The following DCAF8L2 variants were observed in gnomAD, a reference collection of about 807,000 sequenced individuals.
The protein encoded by DCAF8L2 is DDB1 and CUL4 associated factor 8 like 2, also known as DDB1- and CUL4-associated factor 8-like protein 2.
For synonymous variants in DCAF8L2, 200 were observed against 190.9 expected (o/e 1.05, Z -0.39); for missense variants, 430 against 490.7 (o/e 0.88, Z 1.17).
the DCAF8L2 span, among the ~76,000 whole-genome samples, chrX:27,567,183 GA>G: frequency 1.8e-5 from 2 of 110,651 alleles, no homozygotes; most frequent in African/African-American, 3.3e-5. Flanking sequence ...GTGCACTTGA[GA>G]AAAATGTGTA....
rs1224343684 is a variant in DCAF8L2 at position 27,657,926 on chromosome X, C to T, written c.-219-19910C>T. ...ACCATTAATCAAAAGCCACAAATAG[C>T]TGTAATAATGACAGAGAACTTTAAT... On this transcript the variant is annotated intron_variant, in intron 2 of 4. Coordinates refer to ENST00000451261, the MANE Select transcript of DCAF8L2 (RefSeq NM_001353450.2). 2.7e-5 allele frequency among the ~76,000 whole-genome samples: 3 copies of T among 112,186 alleles called. No homozygotes were observed. In the Admixed American group the frequency reaches 2.8e-4, roughly 11 times the overall value.
the DCAF8L2 span, among the ~76,000 whole-genome samples, chrX:27,539,526 T>C: frequency 4.5e-5 from 5 of 111,991 alleles, no homozygotes; most frequent in Non-Finnish European, 1.9e-5. Flanking sequence ...ACCTGAATAT[T>C]GAATACTACA....
the DCAF8L2 span, among the ~76,000 whole-genome samples, chrX:27,471,378 C>T: frequency 9.0e-6 from 1 of 111,481 alleles, no homozygotes; most frequent in Non-Finnish European, 1.9e-5. Flanking sequence ...GTTCTCACAG[C>T]ACCCAGAGCT....
intron 3 of DCAF8L2, among the ~76,000 whole-genome samples, chrX:27,681,280 G>A (rs1423240355): frequency 2.7e-5 from 3 of 111,260 alleles, no homozygotes; most frequent in Non-Finnish European, 5.7e-5. Context: ...TACAATAAAG[G>A]TAAGTGTAGA....
chrX:27,472,028 A>G, the DCAF8L2 span, among the ~76,000 whole-genome samples: 3 of 111,857 alleles, frequency 2.7e-5, no homozygotes, highest in Admixed American at 9.5e-5. Context: ...TAAGGAGGTT[A>G]ACAAACTTGT....
At chrX:27,613,796 C>T (rs1462947845) in intron 1 of DCAF8L2, among the ~76,000 whole-genome samples, 6 of 110,463 alleles carry the variant, frequency 5.4e-5, no homozygotes, top group Non-Finnish European at 1.1e-4. Flanking sequence ...ATCCCAGGGA[C>T]GAAGCCAACT....
intron 1 of DCAF8L2, among the ~76,000 whole-genome samples, chrX:27,621,979 A>T (rs142806854): frequency 0.02 from 2,137 of 109,269 alleles, 51 homozygotes; most frequent in African/African-American, 0.066. Flanking sequence ...GTGATAGAGT[A>T]AGACCTTATC....
At chrX:27,584,846 C>T in the DCAF8L2 span, among the ~76,000 whole-genome samples, 1 of 111,471 alleles carries the variant, frequency 9.0e-6, no homozygotes, top group Non-Finnish European at 1.9e-5. Context: ...TTTTGCCCCT[C>T]AAGGAGCATT....
At chrX:27,520,404 A>G in the DCAF8L2 span, among the ~76,000 whole-genome samples, 2 of 112,092 alleles carry the variant, frequency 1.8e-5, no homozygotes, top group Non-Finnish European at 3.8e-5. Flanking sequence ...AAGTTTCATA[A>G]CCTTAATGTA....
At chrX:27,579,592 A>G in the DCAF8L2 span, among the ~76,000 whole-genome samples, 3 of 99,971 alleles carry the variant, frequency 3.0e-5, no homozygotes, top group Non-Finnish European at 6.0e-5. Context: ...CTATTTGCCT[A>G]TTTGGATGTA....
chrX:27,515,818 C>T, the DCAF8L2 span, among the ~76,000 whole-genome samples: 1 of 111,679 alleles, frequency 9.0e-6, no homozygotes, highest in Non-Finnish European at 1.9e-5. Context: ...AAGGGTCCAC[C>T]ATCCATTCCT....
chrX:27,747,244 G>T lies in DCAF8L2; in HGVS notation c.349G>T (p.Asp117Tyr). Residue 117 changes from aspartate to tyrosine, a missense_variant, in exon 5 of 5, where the codon GAC becomes TAC. Physicochemically the swap from Asp to Tyr is radical, Grantham distance 160 (BLOSUM62 -3). Coordinates refer to ENST00000451261, the MANE Select transcript of DCAF8L2 (RefSeq NM_001353450.2). ...GGAGGAGACAGAAAGGGAGGAGGAA[G>T]ACGAAGAGATACAAGAGGAGGGAGG... ...GEEETEREEE[D>Y]EEIQEEGGEE... 8.6e-7 allele frequency: 1 copy of T among 1,159,738 alleles called. No homozygotes were observed. The highest frequency in any genetic ancestry group is 1.1e-6 in the Non-Finnish European group (1 of 870,071).
At chrX:27,515,938 G>A in the DCAF8L2 span, among the ~76,000 whole-genome samples, 6 of 112,190 alleles carry the variant, frequency 5.3e-5, no homozygotes, top group African/African-American at 1.9e-4. Context: ...GTCCTACAAA[G>A]TTCAAAAAAT....
chrX:27,615,486 T>C (rs1448744830), intron 1 of DCAF8L2, among the ~76,000 whole-genome samples: 1 of 109,590 alleles, frequency 9.1e-6, no homozygotes, highest in East Asian at 2.8e-4. Flanking sequence ...TTTTTTGCAT[T>C]ATGATTAAAC....
At chrX:27,626,908 A>G (rs1244254367) in intron 1 of DCAF8L2, among the ~76,000 whole-genome samples, 2 of 111,744 alleles carry the variant, frequency 1.8e-5, no homozygotes, top group Non-Finnish European at 3.8e-5. Flanking sequence ...TGTTAATTCC[A>G]ATTGTTAGTT....
chrX:27,506,945 G>A, the DCAF8L2 span, among the ~76,000 whole-genome samples: 47 of 108,744 alleles, frequency 4.3e-4, no homozygotes, highest in African/African-American at 1.6e-3. Context: ...ATCTTTTGGG[G>A]GGACACAATT....
At chrX:27,647,841 G>T (rs757446278) in intron 2 of DCAF8L2, among the ~76,000 whole-genome samples, 8 of 111,772 alleles carry the variant, frequency 7.2e-5, no homozygotes, top group South Asian at 7.4e-4. Context: ...GTTCAGGGAA[G>T]AATTTTTTTC....
At chrX:27,569,631 T>A in the DCAF8L2 span, among the ~76,000 whole-genome samples, 1 of 112,094 alleles carries the variant, frequency 8.9e-6, no homozygotes, top group South Asian at 3.7e-4. Flanking sequence ...TCCAGTAAGA[T>A]TATCTAATTT....
chrX:27,672,783 G>A (rs985738105), intron 2 of DCAF8L2, among the ~76,000 whole-genome samples: 2 of 112,364 alleles, frequency 1.8e-5, no homozygotes, highest in Non-Finnish European at 3.8e-5. Flanking sequence ...TTCAGATAAA[G>A]TGTAATTCAC....
Sources: allele counts gnomAD v4.1 joint callset (sites outside exome capture counted in the v4.1 genomes callset), GRCh38; gene constraint gnomAD v4.1.1; transcripts MANE v1.5; gene names NCBI Gene and HGNC (gene_info 2026-07-23, HGNC 2026-07-21).